The following RNF170 variants were observed in gnomAD, a reference collection of about 807,000 sequenced individuals.
RNF170 encodes ring finger protein 170, also known as E3 ubiquitin-protein ligase RNF170.
Under a neutral mutation model 32.7 loss-of-function variants are expected in RNF170, and 12 were observed. The ratio of observed to expected loss-of-function variants is 0.37; its 90% CI spans 0.24 to 0.60. RNF170 has a LOEUF of 0.60. Among genes scored for constraint, RNF170 ranks in the 20% least tolerant of loss-of-function variants. The pLI, the probability that RNF170 is intolerant of heterozygous loss-of-function variation, is 0.72. For missense variants in RNF170, 212 were observed against 311.2 expected (o/e 0.68, Z 2.40); for synonymous variants, 91 against 103.6 (o/e 0.88, Z 0.74).
intron 2 of RNF170, among the ~76,000 whole-genome samples, chr8:42,875,169 TAA>T (rs35059319): frequency 1.3e-4 from 17 of 129,752 alleles, no homozygotes; most frequent in Admixed American, 1.6e-4. Context: ...AAAACCGTCT[TAA>T]AAAAAAAAAA....
chr8:42,878,302 C>T (rs769273652), intron 2 of RNF170, among the ~76,000 whole-genome samples: 1 of 152,120 alleles, frequency 6.6e-6, no homozygotes, highest in African/African-American at 2.4e-5. Context: ...TGTAAAAAGT[C>T]GAGCTAGGGC....
At chr8:42,896,621 C>G, upstream of RNF170, 1 of 453,504 alleles carries the variant, frequency 2.2e-6, no homozygotes, top group South Asian at 1.5e-5. Context: ...CGGGCGCACG[C>G]GCACTGCCGA....
chr8:42,855,337 G>A lies in RNF170; in HGVS notation c.*822C>T, dbSNP rs1363226721. The A allele has an allele frequency of 7.2e-6, 6 of 829,236 alleles. No individual in the cohort carries two copies. The highest frequency in any genetic ancestry group is 2.9e-5 in the Admixed American group (1 of 34,166). The allele number at this position is 829,236 out of a possible 1,614,324, so 51.4% of individuals were successfully genotyped here. Reference sequence around the variant, plus strand: ...CGCCATTCTTCTGCCTCAGCCTCCCGAGTAGCTGGGACTACAGGCGCCTGC... The same window carrying A: ...CGCCATTCTTCTGCCTCAGCCTCCCAAGTAGCTGGGACTACAGGCGCCTGC... On this transcript the variant is annotated 3_prime_UTR_variant, in exon 7 of 7. Coordinates refer to ENST00000527424, the MANE Select transcript of RNF170 (RefSeq NM_030954.4).
In RNF170 at chr8:42,857,269, C is replaced by T. The variant is rs117687227; in HGVS notation, c.508-841G>A. On this transcript the variant is annotated intron_variant, in intron 6 of 6. Transcript: ENST00000527424. Reference sequence around the variant, plus strand: ...GAAAATAGTTTTTGAAACCCCCAGACTAAGAGAAAATCATCTTGTGACTCC... The same window carrying T: ...GAAAATAGTTTTTGAAACCCCCAGATTAAGAGAAAATCATCTTGTGACTCC... Among the ~76,000 whole-genome samples the T allele has an allele frequency of 2.3e-3, 346 of 152,340 alleles. 9 individuals are homozygous for T. The East Asian group carries it at 0.054, about 24-fold the overall frequency.
intron 1 of RNF170, among the ~76,000 whole-genome samples, chr8:42,890,488 A>G (rs1326984765): frequency 6.6e-6 from 1 of 152,028 alleles, no homozygotes; most frequent in Non-Finnish European, 1.5e-5. Flanking sequence ...TGTGTTAGCC[A>G]GGATGGTCTT....
At chr8:42,852,042 G>A (rs1259595894), downstream of RNF170, among the ~76,000 whole-genome samples, 1 of 152,202 alleles carries the variant, frequency 6.6e-6, no homozygotes, top group Non-Finnish European at 1.5e-5. Flanking sequence ...CCTTGGCAGG[G>A]GAGAAGTGGT....
At chr8:42,870,464 C>T (rs568498543) in intron 3 of RNF170, among the ~76,000 whole-genome samples, 3 of 152,322 alleles carry the variant, frequency 2.0e-5, no homozygotes, top group South Asian at 4.1e-4. Flanking sequence ...CAGTGACTCA[C>T]GCCTGTAATC....
intron 6 of RNF170, among the ~76,000 whole-genome samples, chr8:42,861,065 T>A (rs1162563001): frequency 6.6e-6 from 1 of 152,198 alleles, no homozygotes; most frequent in Non-Finnish European, 1.5e-5. Flanking sequence ...CTAGGGCAAA[T>A]AGAATAAACC....
downstream of RNF170, chr8:42,849,685 G>T (rs1802893967): frequency 6.6e-6 from 1 of 152,212 alleles, no homozygotes; most frequent in Non-Finnish European, 1.5e-5. Flanking sequence ...GAGACTGCTG[G>T]GAATATCTCT....
At chr8:42,896,339 G>A in intron 1 of RNF170, 145 bp downstream of exon 1, 1 of 400,222 alleles carries the variant, frequency 2.5e-6, no homozygotes, top group Non-Finnish European at 4.9e-6. Context: ...CCAGACGAGG[G>A]AGGGGCCCGG....
intron 2 of RNF170, among the ~76,000 whole-genome samples, chr8:42,874,335 A>C (rs1804746495): frequency 6.6e-6 from 1 of 152,238 alleles, no homozygotes; most frequent in South Asian, 2.1e-4. Context: ...CAGCTATCTA[A>C]TTTTACCTAC....
At chr8:42,870,686 A>G (rs986148135) in intron 3 of RNF170, among the ~76,000 whole-genome samples, 2 of 152,130 alleles carry the variant, frequency 1.3e-5, no homozygotes, top group African/African-American at 4.8e-5. Flanking sequence ...CCGTGACTGC[A>G]CCACTGCACT....
chr8:42,895,289 C>G (rs1215718608), intron 1 of RNF170, among the ~76,000 whole-genome samples: 2 of 152,030 alleles, frequency 1.3e-5, no homozygotes, highest in East Asian at 3.9e-4. Context: ...CACTCCAGAA[C>G]GAGACCCTTT....
At chr8:42,862,411 C>G (rs897755834) in intron 5 of RNF170, among the ~76,000 whole-genome samples, 7 of 151,942 alleles carry the variant, frequency 4.6e-5, no homozygotes, top group Non-Finnish European at 1.0e-4. Context: ...TACATTTAAC[C>G]CTGCTTCCTT....
At chr8:42,858,252 A>G (rs941103391) in intron 6 of RNF170, among the ~76,000 whole-genome samples, 2 of 152,058 alleles carry the variant, frequency 1.3e-5, no homozygotes, top group Admixed American at 6.5e-5. Flanking sequence ...TTCCTGCTCA[A>G]TGAAAAATGG....
intron 3 of RNF170, among the ~76,000 whole-genome samples, chr8:42,873,260 G>A (rs1391028323): frequency 2.6e-5 from 4 of 151,528 alleles, no homozygotes; most frequent in Admixed American, 1.3e-4. Flanking sequence ...GACAGCAGCC[G>A]GGGCAACATA....
intron 1 of RNF170, among the ~76,000 whole-genome samples, chr8:42,893,479 C>T (rs1300394689): frequency 6.6e-6 from 1 of 152,186 alleles, no homozygotes; most frequent in Non-Finnish European, 1.5e-5. Context: ...CCTGGACTTA[C>T]ATAAAGTTTC....
At chr8:42,873,277 C>T (rs11987761) in intron 3 of RNF170, among the ~76,000 whole-genome samples, 2,610 of 151,152 alleles carry the variant, frequency 0.017, 82 homozygotes, top group African/African-American at 0.062. Context: ...CATAGTGAGA[C>T]CCTGTCTCTT....
rs1806480737 is a variant in RNF170 at position 42,893,433 on chromosome 8, G to A, written c.-8+3051C>T. On this transcript the variant is annotated intron_variant, in intron 1 of 6. Transcript: ENST00000527424. Reference sequence around the variant, plus strand: ...TACATCTTATTGAGCAGTATCTTCAGACAGCAAACAAGCACAAGTTCCAGA... The same window carrying A: ...TACATCTTATTGAGCAGTATCTTCAAACAGCAAACAAGCACAAGTTCCAGA... 2.0e-5 allele frequency among the ~76,000 whole-genome samples: 3 copies of A among 152,206 alleles called. No individual in the cohort carries two copies. In the South Asian group the frequency reaches 6.2e-4, roughly 31 times the overall value.
Sources: allele counts gnomAD v4.1 joint callset (sites outside exome capture counted in the v4.1 genomes callset), GRCh38; gene constraint gnomAD v4.1.1; transcripts MANE v1.5; gene names NCBI Gene and HGNC (gene_info 2026-07-23, HGNC 2026-07-21).